MAPK10: variants seen among roughly 807,000 people sequenced by gnomAD.
MAPK10 encodes mitogen-activated protein kinase 10.
In MAPK10, 25 loss-of-function variants were observed where a neutral mutation model predicts 59.3. That is an observed-to-expected ratio of 0.42 (90% confidence interval 0.31 to 0.59). The LOEUF is 0.59. Among genes scored for constraint, MAPK10 ranks in the 20% least tolerant of loss-of-function variants. The probability of loss-of-function intolerance (pLI) is 0.15; values close to 1 mark genes in which losing one functional copy is unlikely to be tolerated. For synonymous variants in MAPK10, 190 were observed against 200.5 expected (o/e 0.95, Z 0.44); for missense variants, 351 against 568.9 (o/e 0.62, Z 3.90).
At chr4:86,451,378 A>G (rs1396108272) in intron 1 of MAPK10, among the ~76,000 whole-genome samples, 2 of 152,160 alleles carry the variant, frequency 1.3e-5, no homozygotes, top group Non-Finnish European at 2.9e-5. Flanking sequence ...GGTAAAGGAG[A>G]CCTTCACCAA....
chr4:86,559,335 CT>C (rs1388979929), intron 1 of MAPK10, among the ~76,000 whole-genome samples: 1 of 150,804 alleles, frequency 6.6e-6, no homozygotes, highest in African/African-American at 2.4e-5. Flanking sequence ...TTTAATTTGC[CT>C]TGTCTAGGTG....
intron 2 of MAPK10, among the ~76,000 whole-genome samples, chr4:86,206,439 C>A (rs1389751327): frequency 1.3e-5 from 2 of 151,964 alleles, no homozygotes; most frequent in Non-Finnish European, 2.9e-5. Context: ...TTAATCCAGT[C>A]TATCATTGTT....
At chr4:86,448,617 T>C (rs1315227500) in intron 1 of MAPK10, among the ~76,000 whole-genome samples, 5 of 152,198 alleles carry the variant, frequency 3.3e-5, no homozygotes, top group African/African-American at 4.8e-5. Flanking sequence ...TAAAAGGGCA[T>C]TTTGTTCCAT....
At chr4:86,358,314 T>C (rs1735554213) in intron 1 of MAPK10, 1 of 985,436 alleles carries the variant, frequency 1.0e-6, no homozygotes, top group Non-Finnish European at 1.2e-6. Context: ...GTCCGACAAC[T>C]AGCCGATGAG....
At chr4:86,249,899 C>A (rs2093326843) in intron 2 of MAPK10, among the ~76,000 whole-genome samples, 1 of 152,088 alleles carries the variant, frequency 6.6e-6, no homozygotes, top group African/African-American at 2.4e-5. Context: ...ACATTTCTGA[C>A]TATGGAGTCT....
At chr4:86,382,258 G>T (rs1740836069) in intron 1 of MAPK10, among the ~76,000 whole-genome samples, 2 of 151,872 alleles carry the variant, frequency 1.3e-5, no homozygotes, top group Admixed American at 1.3e-4. Context: ...GAGGTGGAAA[G>T]TGGATTCGGA....
chr4:86,390,277 A>C (rs1194012787), intron 1 of MAPK10, among the ~76,000 whole-genome samples: 1 of 152,242 alleles, frequency 6.6e-6, no homozygotes, highest in South Asian at 2.1e-4. Flanking sequence ...ATAAAAAGAT[A>C]TTATTTAAAA....
intron 2 of MAPK10, among the ~76,000 whole-genome samples, chr4:86,347,899 T>C (rs2148954419): frequency 1.3e-5 from 2 of 152,272 alleles, no homozygotes; most frequent in Middle Eastern, 3.4e-3. Flanking sequence ...ATTCAGAACA[T>C]AGTCTGGGGC....
chr4:86,501,545 G>T (rs1240396299), intron 1 of MAPK10, among the ~76,000 whole-genome samples: 2 of 152,022 alleles, frequency 1.3e-5, no homozygotes, highest in Non-Finnish European at 2.9e-5. Flanking sequence ...AGCTGGTAAG[G>T]AGGGTTCGCT....
At chr4:86,110,908 C>A (rs562105246) in intron 4 of MAPK10, among the ~76,000 whole-genome samples, 1 of 152,054 alleles carries the variant, frequency 6.6e-6, no homozygotes, top group East Asian at 1.9e-4. Flanking sequence ...TTTCCTTGAG[C>A]AGTGGTTTGT....
chr4:86,240,234 C>A (rs577523400), intron 2 of MAPK10, among the ~76,000 whole-genome samples: 10 of 152,236 alleles, frequency 6.6e-5, no homozygotes, highest in African/African-American at 2.4e-4. Flanking sequence ...GATTTCAGTT[C>A]TTTTGCACTT....
At chr4:86,385,739 C>T (rs1376573708) in intron 1 of MAPK10, among the ~76,000 whole-genome samples, 3 of 152,042 alleles carry the variant, frequency 2.0e-5, no homozygotes, top group Admixed American at 6.6e-5. Context: ...GATGCAAAAC[C>T]AAAGAATTTG....
chr4:86,461,646 G>T (rs1273494937), intron 1 of MAPK10, among the ~76,000 whole-genome samples: 3 of 152,186 alleles, frequency 2.0e-5, no homozygotes, highest in Non-Finnish European at 4.4e-5. Flanking sequence ...GTATAATGAA[G>T]TAACAGAAGA....
At chr4:86,592,453 A>G (rs1312897808) in intron 1 of MAPK10, among the ~76,000 whole-genome samples, 1 of 152,216 alleles carries the variant, frequency 6.6e-6, no homozygotes, top group Non-Finnish European at 1.5e-5. Flanking sequence ...TACTTGCTAT[A>G]CCTTCTTTCT....
chr4:86,335,801 C>T (rs980537687), intron 2 of MAPK10, among the ~76,000 whole-genome samples: 8 of 152,132 alleles, frequency 5.3e-5, no homozygotes, highest in South Asian at 2.1e-4. Flanking sequence ...AGGGGAAATG[C>T]CAGATGCTTA....
intron 1 of MAPK10, among the ~76,000 whole-genome samples, chr4:86,388,921 A>C (rs1160187477): frequency 1.3e-5 from 2 of 152,234 alleles, no homozygotes; most frequent in Non-Finnish European, 2.9e-5. Flanking sequence ...CAAATGAATT[A>C]ATAAATGAAT....
intron 4 of MAPK10, among the ~76,000 whole-genome samples, chr4:86,117,199 G>A (rs72662050): frequency 0.18 from 27,043 of 152,156 alleles, 2,512 homozygotes; most frequent in African/African-American, 0.21. Flanking sequence ...GCTTGAGCCC[G>A]AGAGTTCAAG....
At chr4:86,195,830 G>A (rs1340248101) in intron 2 of MAPK10, among the ~76,000 whole-genome samples, 1 of 151,916 alleles carries the variant, frequency 6.6e-6, no homozygotes, top group Non-Finnish European at 1.5e-5. Flanking sequence ...TTTGGTTTTC[G>A]GTTCCTGTGT....
At chr4:86,190,764 A>G (rs2079516998) in intron 3 of MAPK10, among the ~76,000 whole-genome samples, 1 of 151,962 alleles carries the variant, frequency 6.6e-6, no homozygotes. Flanking sequence ...CTCTGATCTT[A>G]GTTATTTCTT....
Sources: gnomAD v4.1 joint callset for allele counts (sites outside exome capture counted in the v4.1 genomes callset) on GRCh38, gnomAD v4.1.1 for gene constraint, MANE v1.5 for transcripts, NCBI Gene and HGNC (gene_info 2026-07-23, HGNC 2026-07-21) for gene names.